The following UGT1A8 variants were observed in gnomAD, a reference collection of about 807,000 sequenced individuals.
The protein encoded by UGT1A8 is UDP glucuronosyltransferase family 1 member A8, also known as UDP-glucuronosyltransferase 1A8.
A neutral mutation model predicts 45.3 loss-of-function variants in UGT1A8; 39 were observed. The observed-to-expected ratio is 0.86, with a 90% CI of 0.67 to 1.12. The LOEUF (loss-of-function observed/expected upper bound fraction) is 1.12, where lower values mean the gene tolerates loss of function less well. Ranked by LOEUF, UGT1A8 falls within the 50% of genes most tolerant of loss-of-function variation. The pLI is 0.00. For missense variants in UGT1A8, 719 were observed against 664.9 expected (o/e 1.08, Z -0.90); for synonymous variants, 275 against 249.2 (o/e 1.10, Z -0.97).
intron 1 of UGT1A8, chr2:233,743,865 C>T (rs988813505): frequency 2.0e-5 from 27 of 1,367,074 alleles, no homozygotes; most frequent in Non-Finnish European, 2.5e-5. Flanking sequence ...TTCTTGATGG[C>T]CTCGGATGAG....
intron 1 of UGT1A8, among the ~76,000 whole-genome samples, chr2:233,738,491 G>A (rs113157638): frequency 2.0e-5 from 3 of 152,180 alleles, no homozygotes; most frequent in Non-Finnish European, 4.4e-5. Context: ...CTTGTTGAAC[G>A]GTTTTGACCA....
intron 1 of UGT1A8, among the ~76,000 whole-genome samples, chr2:233,707,726 C>T (rs1259852102): frequency 6.6e-6 from 1 of 152,168 alleles, no homozygotes; most frequent in Non-Finnish European, 1.5e-5. Flanking sequence ...AACAATGTTA[C>T]AACGAACATT....
chr2:233,755,095 C>A, intron 1 of UGT1A8: 1 of 1,334,726 alleles, frequency 7.5e-7, no homozygotes, highest in Non-Finnish European at 1.0e-6. Context: ...CGTTTCTACG[C>A]GTCCGACAAC....
chr2:233,687,579 T>A (rs2074847989), intron 1 of UGT1A8, among the ~76,000 whole-genome samples: 1 of 120,078 alleles, frequency 8.3e-6, no homozygotes, highest in Non-Finnish European at 1.7e-5. Context: ...CCATACATTC[T>A]TTGTAAAAAA....
Position 233,674,661 on chromosome 2 carries a change from T to A in UGT1A8, c.855+56099T>A, listed in dbSNP as rs186446222. Reference sequence around the variant, plus strand: ...GATTATAAATATCTTTTATGAGATATGAAATAAATGTGTTTATGTGTCTAT... The same window carrying A: ...GATTATAAATATCTTTTATGAGATAAGAAATAAATGTGTTTATGTGTCTAT... On this transcript the variant is annotated intron_variant, in intron 1 of 4. Transcript: ENST00000373450. Among the ~76,000 whole-genome samples the A allele has an allele frequency of 2.6e-5, 4 of 152,304 alleles. No individual in the cohort carries two copies. The East Asian group carries it at 7.7e-4, about 29-fold the overall frequency.
intron 1 of UGT1A8, among the ~76,000 whole-genome samples, chr2:233,627,507 G>A (rs1372705662): frequency 2.0e-5 from 3 of 151,848 alleles, no homozygotes; most frequent in South Asian, 2.1e-4. Context: ...CTACACCCAC[G>A]TTAAAGCTGC....
intron 1 of UGT1A8, among the ~76,000 whole-genome samples, chr2:233,725,106 A>C (rs2077366331): frequency 7.0e-6 from 1 of 142,226 alleles, no homozygotes; most frequent in African/African-American, 2.7e-5. Flanking sequence ...AGAATCAGGC[A>C]GGGAGGTTGC....
intron 1 of UGT1A8, among the ~76,000 whole-genome samples, chr2:233,662,100 A>C (rs999397980): frequency 1.3e-5 from 2 of 152,214 alleles, no homozygotes; most frequent in Non-Finnish European, 2.9e-5. Flanking sequence ...CTATGCAGTT[A>C]TGACTTAATG....
intron 1 of UGT1A8, among the ~76,000 whole-genome samples, chr2:233,695,470 T>C (rs763759412): frequency 6.6e-6 from 1 of 151,968 alleles, no homozygotes; most frequent in Non-Finnish European, 1.5e-5. Context: ...ATTGGCCCTT[T>C]AGATGTTTTT....
intron 1 of UGT1A8, chr2:233,693,743 T>C (rs2075178370): frequency 1.2e-6 from 2 of 1,614,260 alleles, no homozygotes; most frequent in East Asian, 4.5e-5. Flanking sequence ...AATCACCTTA[T>C]ATCAGAAGGT....
chr2:233,638,692 T>G (rs1274865352), intron 1 of UGT1A8, among the ~76,000 whole-genome samples: 1 of 152,180 alleles, frequency 6.6e-6, no homozygotes, highest in East Asian at 1.9e-4. Flanking sequence ...GTACACATTT[T>G]TATGTATTGT....
intron 1 of UGT1A8, among the ~76,000 whole-genome samples, chr2:233,721,033 A>G (rs1484813936): frequency 6.6e-6 from 1 of 152,106 alleles, no homozygotes; most frequent in Non-Finnish European, 1.5e-5. Flanking sequence ...TTCTTGTGAG[A>G]GAATTGAGCC....
At chr2:233,661,939 A>G (rs2073979463) in intron 1 of UGT1A8, among the ~76,000 whole-genome samples, 1 of 152,090 alleles carries the variant, frequency 6.6e-6, no homozygotes, top group South Asian at 2.1e-4. Flanking sequence ...TTACTGTGAT[A>G]CACAATTTAC....
At chr2:233,627,161 G>A (rs988732216) in intron 1 of UGT1A8, among the ~76,000 whole-genome samples, 1 of 152,110 alleles carries the variant, frequency 6.6e-6, no homozygotes, top group Admixed American at 6.6e-5. Flanking sequence ...AATGTCTTTT[G>A]TGTCATCTTG....
chr2:233,687,709 C>T (rs1309741669), intron 1 of UGT1A8, among the ~76,000 whole-genome samples: 1 of 151,936 alleles, frequency 6.6e-6, no homozygotes, highest in Non-Finnish European at 1.5e-5. Context: ...TTGAGACCAG[C>T]CTGGACAACA....
At chr2:233,645,619 C>T (rs977830290) in intron 1 of UGT1A8, among the ~76,000 whole-genome samples, 6 of 152,204 alleles carry the variant, frequency 3.9e-5, no homozygotes, top group East Asian at 3.9e-4. Flanking sequence ...GTCAGAAATC[C>T]GGCAGGGCAG....
chr2:233,656,021 C>T (rs2073846017), intron 1 of UGT1A8, among the ~76,000 whole-genome samples: 1 of 152,058 alleles, frequency 6.6e-6, no homozygotes, highest in African/African-American at 2.4e-5. Flanking sequence ...GAAGCATGAC[C>T]TCTGGCAAAT....
intron 1 of UGT1A8, chr2:233,730,086 CTTTCCAAATATTTCA>C: frequency 1.2e-6 from 2 of 1,600,798 alleles, no homozygotes; most frequent in Non-Finnish European, 1.7e-6. Flanking sequence ...ATTTACTTAT[CTTTCCAAATATTTCA>C]TTTCTGCTTC....
At chr2:233,691,053 A>T in intron 1 of UGT1A8, 1 of 988,134 alleles carries the variant, frequency 1.0e-6, no homozygotes, top group Admixed American at 6.0e-5. Context: ...AGCAGAGTGG[A>T]GGTCTAGTAT....
Sources: allele counts gnomAD v4.1 joint callset (sites outside exome capture counted in the v4.1 genomes callset), GRCh38; gene constraint gnomAD v4.1.1; transcripts MANE v1.5; gene names NCBI Gene and HGNC (gene_info 2026-07-23, HGNC 2026-07-21).